Variants in NLRP2 observed in about 807,000 individuals in gnomAD.
The protein encoded by NLRP2 is NACHT, LRR and PYD domains-containing protein 2.
A neutral mutation model predicts 97.2 loss-of-function variants in NLRP2; 107 were observed. That is an observed-to-expected ratio of 1.10 (90% confidence interval 0.94 to 1.29). The LOEUF (loss-of-function observed/expected upper bound fraction) is 1.29. Among genes scored for constraint, NLRP2 ranks in the 50% most tolerant of loss-of-function variants. The pLI, the probability that NLRP2 is intolerant of heterozygous loss-of-function variation, is 0.00. For missense variants in NLRP2, 1,495 were observed against 1,330.3 expected (o/e 1.12, Z -1.93); for synonymous variants, 663 against 551.5 (o/e 1.20, Z -2.83).
chr19:54,969,412 A>G (rs1244129288), intron 1 of NLRP2, among the ~76,000 whole-genome samples: 1 of 148,362 alleles, frequency 6.7e-6, no homozygotes, highest in Non-Finnish European at 1.5e-5. Context: ...CGGGAGGCAG[A>G]GGTTGTAGTG....
intron 3 of NLRP2, among the ~76,000 whole-genome samples, chr19:54,975,106 G>GTTTTGTTTTTTTTTTTT (rs2071120773): frequency 6.8e-5 from 4 of 58,674 alleles, no homozygotes; most frequent in East Asian, 5.0e-4. Flanking sequence ...ACCCGGTTTT[G>GTTTTGTTTTTTTTTTTT]TTTTTTTTTT....
chr19:54,986,346 C>T (rs983101828), intron 8 of NLRP2, 31 bp downstream of exon 8: 1 of 1,594,094 alleles, frequency 6.3e-7, no homozygotes, highest in African/African-American at 1.3e-5. Context: ...AATCCTTCAT[C>T]ATACAAACAT....
At position 54,981,755 on chromosome 19, in the gene NLRP2, T is replaced by C. The variant is rs138818633; in HGVS notation, c.463+73T>C. 2.5e-3 allele frequency: 2,244 copies of C among 885,524 alleles called. 8 individuals are homozygous for C. The highest frequency in any genetic ancestry group is 3.5e-3 in the Non-Finnish European group (1,828 of 515,280). The allele number at this position is 885,524 out of a possible 1,614,324, so 54.9% of individuals were successfully genotyped here. A position where few individuals can be genotyped will look rare whatever the true frequency, so the allele number is the denominator to read the frequency against. On this transcript the variant is annotated intron_variant, in intron 5 of 12. Transcript: ENST00000448584. ...TATAAACTTGAAGTCCTCTTAACTT[T>C]CCTATGTAACACAAAGCATTTATTT...
At chr19:54,978,172 A>T (rs2071365663) in intron 4 of NLRP2, among the ~76,000 whole-genome samples, 1 of 151,414 alleles carries the variant, frequency 6.6e-6, no homozygotes, top group South Asian at 2.1e-4. Flanking sequence ...GATTCTCCTG[A>T]TTCTCCTGAC....
chr19:54,983,596 A>C lies in NLRP2; in HGVS notation c.1898A>C (p.Asn633Thr). The C allele has an allele frequency of 1.2e-6, 2 of 1,614,146 alleles. No homozygotes were observed. The highest frequency in any genetic ancestry group is 1.3e-5 in the African/African-American group (1 of 75,052). The change falls in exon 6 of 13, where the codon AAT becomes ACT. Residue 633 changes from asparagine (N) to threonine (T), a missense_variant. Coordinates refer to ENST00000448584, the MANE Select transcript of NLRP2 (RefSeq NM_017852.5). ...TTCAAAGAAATATCCCTGCACTTAA[A>C]TGCAGTAGACGTTGTGCCATCTTCA... ...AQFKEISLHL[N>T]AVDVVPSSFC...
chr19:54,981,801 G>A (rs548565809), intron 5 of NLRP2, 119 bp downstream of exon 5: 6 of 766,036 alleles, frequency 7.8e-6, no homozygotes, highest in South Asian at 2.8e-5. Context: ...GTATCGAGAC[G>A]GAGTTTTGCT....
chr19:54,983,017 G>T lies in NLRP2; in HGVS notation c.1319G>T (p.Gly440Val), dbSNP rs373284265. ...LRFLCSRFPQ[G>V]AQLRGALRTL... ...TTCCTCTGCAGCCGGTTCCCGCAGG[G>T]CGCACAGCTGCGGGGCGCGCTGCGG... The change falls in exon 6 of 13, where the codon GGC becomes GTC. Residue 440 changes from glycine (G) to valine (V), a missense_variant. Transcript: ENST00000448584. The T allele has an allele frequency of 3.7e-6, 6 of 1,610,666 alleles. No homozygotes were observed. Among genetic ancestry groups the T allele is most frequent in the Non-Finnish European group, 5.1e-6 (6 of 1,179,364 alleles).
rs768054992 is a variant in NLRP2, at chr19:54,985,102, G to A, written c.2086G>A (p.Gly696Arg). ...CTGGACGGACCTTTGTTCCATATTT[G>A]GATCAAATAAGGATCTGATGGGTCT... is the stretch of plus-strand genomic sequence containing the variant. ...PFWTDLCSIFGSNKDLMGLAI... is the reference protein window; with the variant it reads ...PFWTDLCSIFRSNKDLMGLAI... The change falls in exon 7 of 13, where the codon GGA (glycine) becomes AGA (arginine). Residue 696 changes from glycine to arginine, a missense_variant. By Grantham distance (125) the Gly-to-Arg change is moderately radical (BLOSUM62 -2). Coordinates refer to ENST00000448584, the MANE Select transcript of NLRP2 (RefSeq NM_017852.5). The A allele has an allele frequency of 6.2e-7, 1 of 1,613,990 alleles. No homozygotes were observed. Among genetic ancestry groups the A allele is most frequent in the Non-Finnish European group, 8.5e-7 (1 of 1,179,986 alleles).
intron 3 of NLRP2, among the ~76,000 whole-genome samples, chr19:54,976,527 A>C (rs112468998): frequency 2.6e-5 from 4 of 151,810 alleles, no homozygotes; most frequent in African/African-American, 9.7e-5. Context: ...TTGTATTTTT[A>C]GTAGAGACAG....
At chr19:54,969,610 G>C (rs144436203) in intron 1 of NLRP2, among the ~76,000 whole-genome samples, 3 of 152,166 alleles carry the variant, frequency 2.0e-5, no homozygotes, top group African/African-American at 7.2e-5. Context: ...AGCTGAGATC[G>C]TACTACTGTA....
intron 3 of NLRP2, chr19:54,977,042 T>G: frequency 9.5e-6 from 3 of 317,176 alleles, no homozygotes; most frequent in South Asian, 7.4e-5. Context: ...CTCGATCTCC[T>G]GACCTCATGA....
In NLRP2 at chr19:54,983,108, G is replaced by T; in HGVS notation, c.1410G>T (p.Leu470=). Residue 470 remains leucine, a synonymous_variant, in exon 6 of 13, where the codon CTG becomes CTT. Coordinates refer to ENST00000448584, the MANE Select transcript of NLRP2 (RefSeq NM_017852.5). ...AQTSVLHRED[L]ERLGVQESDL... is the part of the protein sequence containing the mutation. ...CGTCCGTGCTTCACCGAGAGGATCT[G>T]GAAAGGCTCGGGGTGCAGGAGTCCG... 6.2e-7 allele frequency: 1 copy of T among 1,613,634 alleles called. No individual in the cohort carries two copies. The highest frequency in any genetic ancestry group is 8.5e-7 in the Non-Finnish European group (1 of 1,179,986).
chr19:55,000,466 G>T (rs948979756), intron 12 of NLRP2, among the ~76,000 whole-genome samples: 1 of 150,542 alleles, frequency 6.6e-6, no homozygotes, highest in Admixed American at 6.6e-5. Context: ...TTTTAGTAGA[G>T]ACAGGGTTTC....
At chr19:54,991,687 A>G (rs965837405) in intron 10 of NLRP2, 1 of 151,848 alleles carries the variant, frequency 6.6e-6, no homozygotes, top group Non-Finnish European at 1.5e-5. Context: ...TGGCTGATGC[A>G]GTGAAACCCT....
In NLRP2 at chr19:54,982,496, G is replaced by A; in HGVS notation, c.798G>A (p.Trp266Ter). 2.5e-6 allele frequency: 4 copies of A among 1,614,192 alleles called. No homozygotes were observed. Among genetic ancestry groups the A allele is most frequent in the Non-Finnish European group, 3.4e-6 (4 of 1,180,034 alleles). ...TTGCAGAGCTGGTCTTCAGGGACTG[G>A]CCTGAATTGCAGGATGACATTCCAC... ...CSFAELVFRD[W>*]PELQDDIPHI... Residue 266 changes from tryptophan (W) to a stop codon, truncating the protein, a stop_gained, in exon 6 of 13, where the codon TGG becomes TGA. Coordinates refer to ENST00000448584, the MANE Select transcript of NLRP2 (RefSeq NM_017852.5). LOFTEE classifies it high-confidence loss of function.
intron 4 of NLRP2, among the ~76,000 whole-genome samples, chr19:54,981,076 A>G (rs927411478): frequency 1.3e-5 from 2 of 152,070 alleles, no homozygotes; most frequent in Non-Finnish European, 2.9e-5. Flanking sequence ...GCGCCACTGC[A>G]CTCCAGCCTG....
chr19:54,985,546 C>T (rs140155676), intron 7 of NLRP2, among the ~76,000 whole-genome samples: 22 of 151,516 alleles, frequency 1.5e-4, no homozygotes, highest in African/African-American at 4.6e-4. Flanking sequence ...GGCGTGGTGG[C>T]AGGCACCTGT....
intron 3 of NLRP2, 142 bp downstream of exon 3, chr19:54,974,686 C>G (rs755376269): frequency 1.4e-6 from 1 of 693,990 alleles, no homozygotes; most frequent in African/African-American, 1.8e-5. Flanking sequence ...GAGCTGGTCT[C>G]GCAGGTGCGT....
In NLRP2 at chr19:55,000,934, G is replaced by A. The variant is rs373930452; in HGVS notation, c.*36G>A. On this transcript the variant is annotated 3_prime_UTR_variant, in exon 13 of 13. Transcript: ENST00000448584. ...GTCATTCATTCTCCATGAAGTCATC[G>A]ATTTTCCAGGTGTTGGTGAACTGCC... The A allele has an allele frequency of 5.2e-5, 84 of 1,609,596 alleles. No individual in the cohort carries two copies. In the African/African-American group the frequency reaches 9.3e-4, roughly 18 times the overall value.
Sources: gnomAD v4.1 joint callset for allele counts (sites outside exome capture counted in the v4.1 genomes callset) on GRCh38, gnomAD v4.1.1 for gene constraint, MANE v1.5 for transcripts, NCBI Gene and HGNC (gene_info 2026-07-23, HGNC 2026-07-21) for gene names.